MACROD2: variants seen among roughly 807,000 people sequenced by gnomAD.
MACROD2 encodes mono-ADP ribosylhydrolase 2, also known as ADP-ribose glycohydrolase MACROD2.
A neutral mutation model predicts 70.4 loss-of-function variants in MACROD2; 36 were observed. The observed-to-expected ratio is 0.51, with a 90% CI of 0.39 to 0.68. The LOEUF (loss-of-function observed/expected upper bound fraction) is 0.68, where lower values mean the gene tolerates loss of function less well. MACROD2 is among the 30% of genes least tolerant of loss of function. The pLI is 0.00. For synonymous variants in MACROD2, 172 were observed against 178.8 expected (o/e 0.96, Z 0.30); for missense variants, 496 against 538.4 (o/e 0.92, Z 0.78).
At chr20:15,330,796 C>T (rs1045623072) in intron 6 of MACROD2, among the ~76,000 whole-genome samples, 1 of 151,446 alleles carries the variant, frequency 6.6e-6, no homozygotes, top group Non-Finnish European at 1.5e-5. Flanking sequence ...ATTGTGGAAT[C>T]GCTAGGTTTT....
At position 13,995,868 on chromosome 20, in the gene MACROD2, G is replaced by A; in HGVS notation, c.46+59G>A. The A allele has an allele frequency of 1.4e-6, 2 of 1,476,542 alleles. No homozygotes were observed. Among genetic ancestry groups the A allele is most frequent in the Non-Finnish European group, 1.8e-6 (2 of 1,082,082 alleles). 91.5% of individuals were successfully genotyped at this position (1,476,542 alleles called of 1,614,324 possible). A position where few individuals can be genotyped will look rare whatever the true frequency, so the allele number is the denominator to read the frequency against. On this transcript the variant is annotated intron_variant, in intron 1 of 17. Transcript: ENST00000684519. The surrounding 1 kb of genome is among the most constrained non-coding windows in gnomAD (Gnocchi z 4.3). ...GGTGGGGGTTAGGGTGGGGGCGGGG[G>A]TCAGGCTGTGTGTGCCGCGGCGCCC... is the stretch of plus-strand genomic sequence containing the variant.
intron 5 of MACROD2, among the ~76,000 whole-genome samples, chr20:14,978,154 A>G (rs1401689835): frequency 6.6e-6 from 1 of 152,148 alleles, no homozygotes; most frequent in Non-Finnish European, 1.5e-5. Context: ...ATTTTAAATA[A>G]CATAAGATCA....
intron 1 of MACROD2, 82 bp from the exon 2 acceptor site, chr20:14,002,206 C>T (rs983389460): frequency 3.6e-6 from 3 of 823,266 alleles, no homozygotes; most frequent in Admixed American, 5.8e-5. Context: ...GTTAGCTTAA[C>T]TTGGTTAATA....
intron 2 of MACROD2, among the ~76,000 whole-genome samples, chr20:14,076,280 A>G (rs550981841): frequency 3.9e-5 from 6 of 152,184 alleles, no homozygotes; most frequent in Admixed American, 3.9e-4. Context: ...AAATTATCTT[A>G]GAGATTAATG....
At chr20:15,995,000 A>G (rs1330256566) in intron 15 of MACROD2, among the ~76,000 whole-genome samples, 1 of 152,178 alleles carries the variant, frequency 6.6e-6, no homozygotes, top group African/African-American at 2.4e-5. Context: ...GAAAACTACT[A>G]CACTGAGACT....
At chr20:14,075,817 G>C (rs2148663516) in intron 2 of MACROD2, among the ~76,000 whole-genome samples, 1 of 152,214 alleles carries the variant, frequency 6.6e-6, no homozygotes, top group African/African-American at 2.4e-5. Context: ...AACCACCTGA[G>C]GCTATAAAGG....
intron 3 of MACROD2, among the ~76,000 whole-genome samples, chr20:14,259,400 A>G (rs2082084349): frequency 6.6e-6 from 1 of 152,176 alleles, no homozygotes; most frequent in Non-Finnish European, 1.5e-5. Flanking sequence ...TGTGTCAATT[A>G]TGTATATTAG....
intron 5 of MACROD2, among the ~76,000 whole-genome samples, chr20:15,172,258 GA>G (rs547272340): frequency 1.3e-5 from 2 of 150,446 alleles, no homozygotes; most frequent in Non-Finnish European, 3.0e-5. Context: ...GACTCCAGTG[GA>G]AAAAAAAATG....
At chr20:15,880,444 C>T (rs6043591) in intron 9 of MACROD2, among the ~76,000 whole-genome samples, 7,473 of 151,460 alleles carry the variant, frequency 0.049, 380 homozygotes, top group East Asian at 0.13. Context: ...TATGTTGGGG[C>T]GGCGGGGGTG....
intron 4 of MACROD2, among the ~76,000 whole-genome samples, chr20:14,554,794 A>C (rs1282933653): frequency 2.0e-5 from 3 of 152,148 alleles, no homozygotes; most frequent in African/African-American, 7.2e-5. Context: ...AGTTCTTAAC[A>C]TTTGTCCCTG....
At chr20:15,784,418 C>T (rs1341287628) in intron 8 of MACROD2, among the ~76,000 whole-genome samples, 1 of 152,100 alleles carries the variant, frequency 6.6e-6, no homozygotes, top group Non-Finnish European at 1.5e-5. Context: ...CCAAGTTACA[C>T]AGAAAAGAAA....
chr20:14,505,081 G>T (rs2084954186), intron 4 of MACROD2, among the ~76,000 whole-genome samples: 1 of 152,116 alleles, frequency 6.6e-6, no homozygotes, highest in Non-Finnish European at 1.5e-5. Flanking sequence ...TTACTCTAAG[G>T]ATACTTTCAG....
intron 5 of MACROD2, among the ~76,000 whole-genome samples, chr20:15,160,497 A>G (rs1433854120): frequency 6.6e-6 from 1 of 152,132 alleles, no homozygotes; most frequent in African/African-American, 2.4e-5. Context: ...CTTTGACCCT[A>G]CTTTTTATAA....
At chr20:15,264,803 A>G (rs1695695067) in intron 6 of MACROD2, among the ~76,000 whole-genome samples, 1 of 152,040 alleles carries the variant, frequency 6.6e-6, no homozygotes, top group African/African-American at 2.4e-5. Context: ...CTAGTGAAAT[A>G]AGGGAACTTC....
At chr20:15,322,901 T>C (rs1229633938) in intron 6 of MACROD2, among the ~76,000 whole-genome samples, 1 of 143,940 alleles carries the variant, frequency 6.9e-6, no homozygotes, top group African/African-American at 2.5e-5. Context: ...TTATAAGAAA[T>C]GAAATGTGGT....
intron 5 of MACROD2, among the ~76,000 whole-genome samples, chr20:15,200,709 T>C (rs918831751): frequency 6.6e-6 from 1 of 152,222 alleles, no homozygotes; most frequent in African/African-American, 2.4e-5. Flanking sequence ...GATTTCACTA[T>C]AGGTAATCTA....
chr20:14,837,813 G>A (rs2073045934), intron 5 of MACROD2, among the ~76,000 whole-genome samples: 1 of 151,650 alleles, frequency 6.6e-6, no homozygotes, highest in Non-Finnish European at 1.5e-5. Context: ...TTAGTGTTTT[G>A]CATATACTAA....
chr20:15,807,181 C>T (rs1253024354), intron 8 of MACROD2, among the ~76,000 whole-genome samples: 1 of 152,208 alleles, frequency 6.6e-6, no homozygotes, highest in Non-Finnish European at 1.5e-5. Flanking sequence ...CAGCTGATTA[C>T]ACTGACTTCC....
At chr20:14,217,030 C>T (rs562512669) in intron 3 of MACROD2, among the ~76,000 whole-genome samples, 1 of 152,246 alleles carries the variant, frequency 6.6e-6, no homozygotes. Context: ...CTGGCTAGGA[C>T]TTCCAGTACT....
Sources: allele counts gnomAD v4.1 joint callset (sites outside exome capture counted in the v4.1 genomes callset), GRCh38; gene constraint gnomAD v4.1.1; non-coding constraint Gnocchi (gnomAD v3.1); transcripts MANE v1.5; gene names NCBI Gene and HGNC (gene_info 2026-07-23, HGNC 2026-07-21).